The following KCTD14 variants were observed in gnomAD, a reference collection of about 807,000 sequenced individuals.
KCTD14 encodes BTB/POZ domain-containing protein KCTD14.
KCTD14 carries 7 observed loss-of-function variants against 5.9 expected under a neutral mutation model. The observed-to-expected ratio is 1.19, with a 90% confidence interval of 0.68 to 2.23. KCTD14 has a LOEUF of 2.23. Among genes scored for constraint, KCTD14 ranks in the 30% most tolerant of loss-of-function variants. KCTD14 has a pLI of 0.00. For missense variants in KCTD14, 342 were observed against 332.2 expected, an observed-to-expected ratio of 1.03 and a Z score of -0.23; for synonymous variants, 140 against 133.1, an observed-to-expected ratio of 1.05 and a Z score of -0.36.
At chr11:78,024,219 T>A (rs1407364615), upstream of KCTD14, among the ~76,000 whole-genome samples, 1 of 151,854 alleles carries the variant, frequency 6.6e-6, no homozygotes, top group Non-Finnish European at 1.5e-5. Flanking sequence ...ACCCCGTCTC[T>A]ACTGAAAATA....
In KCTD14 at chr11:78,017,056, T is replaced by G. The variant is rs1857187780; in HGVS notation, c.305A>C (p.His102Pro). 2 of 1,614,250 alleles carry G rather than the reference T, an allele frequency of 1.2e-6. No homozygotes were observed. The highest frequency in any genetic ancestry group is 1.7e-6 in the Non-Finnish European group (2 of 1,180,052). Residue 102 changes from histidine to proline, a missense_variant, in exon 2 of 2, where the codon CAC becomes CCC. His to Pro is a moderately conservative substitution (Grantham distance 77). Coordinates refer to ENST00000353172, the MANE Select transcript of KCTD14 (RefSeq NM_023930.4). ...YLRTGQVPTQ[H>P]IPEVYREAQF... ...AGCCTCACGGTACACTTCAGGGATG[T>G]GCTGTGTGGGCACTTGCCCAGTGCG...
intron 2 of KCTD14, among the ~76,000 whole-genome samples, chr11:78,038,405 C>A (rs1258998799): frequency 6.6e-6 from 1 of 152,252 alleles, no homozygotes. Flanking sequence ...GTGCCCAGGA[C>A]CACGTGCAAA....
Position 78,015,783 on chromosome 11 carries a change from G to C in KCTD14, c.*810C>G, listed in dbSNP as rs1405053489. On this transcript the variant is annotated 3_prime_UTR_variant, in exon 2 of 2. Transcript: ENST00000353172. Reference sequence around the variant, plus strand: ...GGAGTGAGGGAAGCAGCGTAGGACAGAGGAAAAAAACTGAGTAAGAATGTG... The same window carrying C: ...GGAGTGAGGGAAGCAGCGTAGGACACAGGAAAAAAACTGAGTAAGAATGTG... 6.6e-6 allele frequency: 1 copy of C among 152,224 alleles called. No individual in the cohort carries two copies. The highest frequency in any genetic ancestry group is 1.5e-5 in the Non-Finnish European group (1 of 68,078). 9.4% of individuals were successfully genotyped at this position (152,224 alleles called of 1,614,324 possible).
chr11:78,032,009 C>G (rs775553089), intron 2 of KCTD14, among the ~76,000 whole-genome samples: 1 of 152,200 alleles, frequency 6.6e-6, no homozygotes, highest in Non-Finnish European at 1.5e-5. Context: ...CCCCACTCCA[C>G]CCAGGGAATT....
At position 78,023,237 on chromosome 11, in the gene KCTD14, A is replaced by C; in HGVS notation, c.13T>G (p.Cys5Gly). 1 of 1,609,028 alleles carries C rather than the reference A, an allele frequency of 6.2e-7. No individual in the cohort carries two copies. Among genetic ancestry groups the C allele is most frequent in the Non-Finnish European group, 8.5e-7 (1 of 1,179,616 alleles). Reference sequence around the variant, plus strand: ...CTGCCCACTGGCCGCTCCACTGCGCAGCCCTGCCACATGCAGATCACTTGG... The same window carrying C: ...CTGCCCACTGGCCGCTCCACTGCGCCGCCCTGCCACATGCAGATCACTTGG... The part of the protein sequence containing the change: MWQG[C>G]AVERPVGRMT... The change falls in exon 1 of 2, where the codon TGC becomes GGC. Residue 5 changes from cysteine to glycine, a missense_variant. By Grantham distance (159) the Cys-to-Gly change is radical. Transcript: ENST00000353172.
At chr11:78,037,727 G>A (rs1288315316) in intron 2 of KCTD14, among the ~76,000 whole-genome samples, 42 of 152,200 alleles carry the variant, frequency 2.8e-4, no homozygotes, top group Admixed American at 2.6e-3. Context: ...GCTGAGGCAC[G>A]ACAATCGCTT....
chr11:78,017,101 C>A lies in KCTD14; in HGVS notation c.260G>T (p.Arg87Ile). ...FFIDRPSTYF[R>I]PILDYLRTGQ... ...AGTGCGCAGGTAGTCCAGGATGGGT[C>A]TGAAATAGGTGCTGGGGCGGTCGAT... Residue 87 changes from arginine to isoleucine, a missense_variant, in exon 2 of 2, where the codon AGA (arginine) becomes ATA (isoleucine). Transcript: ENST00000353172. 6.2e-7 allele frequency: 1 copy of A among 1,614,204 alleles called. No individual in the cohort carries two copies. The highest frequency in any genetic ancestry group is 1.1e-5 in the South Asian group (1 of 91,084).
At chr11:78,044,332 G>C (rs1858073699) in intron 1 of KCTD14, among the ~76,000 whole-genome samples, 2 of 152,136 alleles carry the variant, frequency 1.3e-5, no homozygotes, top group Non-Finnish European at 2.9e-5. Context: ...TGCTTCCTGT[G>C]ACCCACATGT....
exon 1 of KCTD14, chr11:78,046,143 A>G: frequency 3.0e-6 from 3 of 985,478 alleles, no homozygotes; most frequent in Non-Finnish European, 3.6e-6. Context: ...AGGAGTCCAC[A>G]GAATCAGTTC....
intron 2 of KCTD14, among the ~76,000 whole-genome samples, chr11:78,033,021 C>T (rs1025515117): frequency 2.0e-5 from 3 of 152,074 alleles, no homozygotes; most frequent in Non-Finnish European, 4.4e-5. Flanking sequence ...GCTGTCAGAC[C>T]TGGGGCCTCA....
upstream of KCTD14, among the ~76,000 whole-genome samples, chr11:78,028,012 A>G (rs1227575503): frequency 6.6e-6 from 1 of 152,114 alleles, no homozygotes; most frequent in East Asian, 1.9e-4. Flanking sequence ...CCTTCCAGTC[A>G]TGGCCTGAAC....
intron 2 of KCTD14, chr11:78,038,530 C>T (rs1857886093): frequency 4.9e-6 from 5 of 1,022,150 alleles, no homozygotes; most frequent in Admixed American, 2.3e-5. Context: ...TCAACCGCAC[C>T]CCATCTGGCT....
At chr11:78,022,624 T>C (rs1477254164) in intron 1 of KCTD14, among the ~76,000 whole-genome samples, 1 of 151,920 alleles carries the variant, frequency 6.6e-6, no homozygotes, top group Non-Finnish European at 1.5e-5. Flanking sequence ...CCCATCCTCC[T>C]CCCCAACTCC....
chr11:78,017,296 C>T (rs1289316190), intron 1 of KCTD14, 26 bp from the exon 2 acceptor site: 1 of 1,553,806 alleles, frequency 6.4e-7, no homozygotes, highest in South Asian at 1.2e-5. Flanking sequence ...GCAGAGTAAA[C>T]CAACACGCCA....
At chr11:78,019,673 A>C (rs1208053579) in intron 1 of KCTD14, among the ~76,000 whole-genome samples, 12 of 152,188 alleles carry the variant, frequency 7.9e-5, no homozygotes, top group Non-Finnish European at 4.4e-5. Context: ...AGACTTAAAT[A>C]ATAACGGGAA....
upstream of KCTD14, among the ~76,000 whole-genome samples, chr11:78,027,381 TGAGGCA>T (rs1857496430): frequency 6.6e-6 from 1 of 151,464 alleles, no homozygotes. Context: ...TTTTTTTTTT[TGAGGCA>T]GAGCCTCACT....
At chr11:78,044,237 G>T (rs1309708032) in intron 1 of KCTD14, among the ~76,000 whole-genome samples, 1 of 152,166 alleles carries the variant, frequency 6.6e-6, no homozygotes, top group African/African-American at 2.4e-5. Context: ...GAGTCTTGGA[G>T]GTGGAGACTC....
chr11:78,029,083 G>T (rs1380576838), intron 2 of KCTD14, among the ~76,000 whole-genome samples: 3 of 151,658 alleles, frequency 2.0e-5, no homozygotes, highest in African/African-American at 7.3e-5. Flanking sequence ...TACTGGTGAG[G>T]CTTAGGCATG....
At chr11:78,038,473 A>G (rs540445303) in intron 2 of KCTD14, among the ~76,000 whole-genome samples, 1 of 152,284 alleles carries the variant, frequency 6.6e-6, no homozygotes, top group South Asian at 2.1e-4. Context: ...CATGGCCTGG[A>G]CCCAGGACCT....
Sources: allele counts gnomAD v4.1 joint callset (sites outside exome capture counted in the v4.1 genomes callset), GRCh38; gene constraint gnomAD v4.1.1; transcripts MANE v1.5; gene names NCBI Gene and HGNC (gene_info 2026-07-23, HGNC 2026-07-21).